SMYD3: variants seen among roughly 807,000 people sequenced by gnomAD.
SMYD3 encodes histone-lysine N-methyltransferase SMYD3.
SMYD3 carries 36 observed loss-of-function variants against 57.7 expected under a neutral mutation model. That is an observed-to-expected ratio of 0.62 (90% CI 0.48 to 0.82). The LOEUF (loss-of-function observed/expected upper bound fraction) is 0.82, where lower values mean the gene tolerates loss of function less well. Ranked by LOEUF, SMYD3 falls within the 40% of genes least tolerant of loss-of-function variation. The pLI is 0.00. For synonymous variants in SMYD3, 211 were observed against 195.0 expected, an observed-to-expected ratio of 1.08 and a Z score of -0.68; for missense variants, 515 against 538.8, an observed-to-expected ratio of 0.96 and a Z score of 0.44.
intron 5 of SMYD3, among the ~76,000 whole-genome samples, chr1:246,022,596 A>C (rs754429307): frequency 3.9e-5 from 6 of 152,240 alleles, no homozygotes; most frequent in African/African-American, 2.4e-5. Flanking sequence ...TACATTATGT[A>C]TATGGACATT....
At chr1:246,054,749 C>G (rs1041582691) in intron 5 of SMYD3, among the ~76,000 whole-genome samples, 1 of 150,274 alleles carries the variant, frequency 6.7e-6, no homozygotes, top group African/African-American at 2.5e-5. Flanking sequence ...GGTACAGGTA[C>G]AAAGAAGATA....
At chr1:245,939,994 T>A (rs1295394477) in intron 5 of SMYD3, among the ~76,000 whole-genome samples, 1 of 152,076 alleles carries the variant, frequency 6.6e-6, no homozygotes, top group East Asian at 1.9e-4. Context: ...TGGGAGGAAT[T>A]CTCCACAGTG....
chr1:246,409,367 G>A (rs566097786), intron 1 of SMYD3, among the ~76,000 whole-genome samples: 7,428 of 152,166 alleles, frequency 0.049, 614 homozygotes, highest in African/African-American at 0.17. Flanking sequence ...GTGTAAGGAA[G>A]GGATCCAGTT....
chr1:246,448,236 A>C (rs1010377366), intron 1 of SMYD3, among the ~76,000 whole-genome samples: 3 of 152,164 alleles, frequency 2.0e-5, no homozygotes, highest in Admixed American at 6.5e-5. Context: ...TAATAACATA[A>C]TCTCTTACAT....
intron 5 of SMYD3, chr1:246,193,645 G>T (rs769731267): frequency 2.6e-5 from 4 of 152,294 alleles, no homozygotes; most frequent in African/African-American, 4.8e-5. Context: ...GTCATAATCA[G>T]CAGAAAGGAT....
intron 5 of SMYD3, among the ~76,000 whole-genome samples, chr1:246,214,985 A>C (rs1468051026): frequency 6.6e-6 from 1 of 152,088 alleles, no homozygotes; most frequent in Non-Finnish European, 1.5e-5. Context: ...TTATTTATGC[A>C]GATTTTTACC....
chr1:245,974,231 T>C (rs1198501063), intron 5 of SMYD3, among the ~76,000 whole-genome samples: 1 of 152,172 alleles, frequency 6.6e-6, no homozygotes, highest in African/African-American at 2.4e-5. Context: ...TTTTCAAATT[T>C]AATATGACTA....
At chr1:245,841,672 G>A (rs9727882) in intron 10 of SMYD3, among the ~76,000 whole-genome samples, 64,490 of 152,020 alleles carry the variant, frequency 0.42, 15,339 homozygotes, top group East Asian at 0.87. Context: ...AAAATAAAAT[G>A]TAGTTGAAAC....
Position 246,278,482 on chromosome 1 carries a change from A to C in SMYD3, c.531+48719T>G, listed in dbSNP as rs573222485. On this transcript the variant is annotated intron_variant, in intron 5 of 11. Transcript: ENST00000490107. ...CACTAGAAGCTCTTCTTGCTGACTTAATAAAGTACATGGTCATGTGGGGAA... is the reference window on the plus strand; with the variant it reads ...CACTAGAAGCTCTTCTTGCTGACTTCATAAAGTACATGGTCATGTGGGGAA... 9.7e-4 allele frequency among the ~76,000 whole-genome samples: 148 copies of C among 152,298 alleles called. 1 individual carries two copies. The highest frequency in any genetic ancestry group is 3.5e-3 in the African/African-American group (147 of 41,564).
chr1:246,046,040 G>C (rs556435072), intron 5 of SMYD3, among the ~76,000 whole-genome samples: 28 of 152,338 alleles, frequency 1.8e-4, no homozygotes, highest in African/African-American at 6.3e-4. Context: ...CTGTAAACTA[G>C]TTCAACCATT....
chr1:245,874,585 G>A (rs989342556), intron 8 of SMYD3, among the ~76,000 whole-genome samples: 6 of 152,090 alleles, frequency 3.9e-5, no homozygotes, highest in African/African-American at 7.2e-5. Context: ...AAATTATCCC[G>A]TTCTACAAAC....
chr1:246,045,352 G>T (rs2059944889), intron 5 of SMYD3, among the ~76,000 whole-genome samples: 1 of 152,038 alleles, frequency 6.6e-6, no homozygotes, highest in Non-Finnish European at 1.5e-5. Context: ...TCTCATCTTT[G>T]ACAAACCTCA....
chr1:245,825,043 C>A (rs12045414), intron 10 of SMYD3, among the ~76,000 whole-genome samples: 140,753 of 152,120 alleles, frequency 0.93, 65,174 homozygotes, highest in Non-Finnish European at 0.95. Flanking sequence ...AAGAAAAAAA[C>A]CAAAACAAAA....
rs139256343 is a variant in SMYD3, at chr1:246,366,660, T to C, written c.165-11566A>G. Among the ~76,000 whole-genome samples the C allele has an allele frequency of 9.2e-3, 1,397 of 151,508 alleles. 27 individuals are homozygous for C. The highest frequency in any genetic ancestry group is 0.031 in the African/African-American group (1,292 of 41,294). ...GCATAGAATCATCTCAAAAACAAAA[T>C]TGGCCAGGCACGGTAGCTCACGCCT... is the stretch of plus-strand genomic sequence containing the variant. On this transcript the variant is annotated intron_variant, in intron 1 of 11. Transcript: ENST00000490107.
intron 10 of SMYD3, among the ~76,000 whole-genome samples, chr1:245,790,524 T>C (rs1031754325): frequency 1.3e-5 from 2 of 152,230 alleles, no homozygotes; most frequent in African/African-American, 4.8e-5. Context: ...CTTTCTATAC[T>C]TGGCTCCAAA....
At chr1:246,382,771 C>A (rs2066410472) in intron 1 of SMYD3, among the ~76,000 whole-genome samples, 1 of 152,032 alleles carries the variant, frequency 6.6e-6, no homozygotes, top group African/African-American at 2.4e-5. Context: ...CCAGGCTCAC[C>A]CCAGCACCAG....
Position 246,481,731 on chromosome 1 carries a change from A to G in SMYD3, c.164+25323T>C, listed in dbSNP as rs973411159. On this transcript the variant is annotated intron_variant, in intron 1 of 11. Transcript: ENST00000490107. ...GATTATATATATATGAACTGATATGAGTATATATATGATCATATATGATTA... is the reference window on the plus strand; with the variant it reads ...GATTATATATATATGAACTGATATGGGTATATATATGATCATATATGATTA... Among the ~76,000 whole-genome samples, 5 of 147,782 alleles carry G rather than the reference A, an allele frequency of 3.4e-5. No homozygotes were observed. The Admixed American group carries it at 3.4e-4, about 10-fold the overall frequency.
chr1:246,482,292 G>C (rs2068121440), intron 1 of SMYD3, among the ~76,000 whole-genome samples: 1 of 152,168 alleles, frequency 6.6e-6, no homozygotes. Context: ...CATGCAGAAA[G>C]CCACAGCAGT....
intron 5 of SMYD3, among the ~76,000 whole-genome samples, chr1:246,200,421 C>A (rs1038706549): frequency 2.0e-5 from 3 of 151,428 alleles, no homozygotes; most frequent in African/African-American, 7.3e-5. Context: ...AAACAGACGC[C>A]CACTGTGATA....
Sources: gnomAD v4.1 joint callset for allele counts (sites outside exome capture counted in the v4.1 genomes callset) on GRCh38, gnomAD v4.1.1 for gene constraint, MANE v1.5 for transcripts, NCBI Gene and HGNC (gene_info 2026-07-23, HGNC 2026-07-21) for gene names.